Variants in TMCO4 observed in about 807,000 individuals in gnomAD.
The protein encoded by TMCO4 is transmembrane and coiled-coil domain-containing protein 4.
In TMCO4, 58 loss-of-function variants were observed where a neutral mutation model predicts 64.7. The ratio of observed to expected loss-of-function variants is 0.90; its 90% CI spans 0.73 to 1.12. The LOEUF (loss-of-function observed/expected upper bound fraction) is 1.12, where lower values mean the gene tolerates loss of function less well. Ranked by LOEUF, TMCO4 falls within the 50% of genes most tolerant of loss-of-function variation. The probability of loss-of-function intolerance (pLI) is 0.00; values close to 1 mark genes in which losing one functional copy is unlikely to be tolerated. For synonymous variants in TMCO4, 325 were observed against 346.1 expected (o/e 0.94, Z 0.68); for missense variants, 780 against 825.9 (o/e 0.94, Z 0.68).
At chr1:19,698,459 C>A (rs2095250954) in intron 14 of TMCO4, among the ~76,000 whole-genome samples, 1 of 152,226 alleles carries the variant, frequency 6.6e-6, no homozygotes. Flanking sequence ...CAGCTAGCTT[C>A]CAGAAGGTTC....
At chr1:19,766,678 A>G (rs2042748774) in intron 6 of TMCO4, among the ~76,000 whole-genome samples, 1 of 152,054 alleles carries the variant, frequency 6.6e-6, no homozygotes, top group African/African-American at 2.4e-5. Context: ...GACTACTGTT[A>G]CTCCCTTGGA....
intron 6 of TMCO4, among the ~76,000 whole-genome samples, chr1:19,766,977 C>A (rs1379141598): frequency 6.6e-6 from 1 of 152,208 alleles, no homozygotes; most frequent in Non-Finnish European, 1.5e-5. Flanking sequence ...CAGTGTGCCA[C>A]TGAAGCTGTT....
At chr1:19,702,775 GCAAA>G (rs1302545125) in intron 13 of TMCO4, among the ~76,000 whole-genome samples, 2 of 152,174 alleles carry the variant, frequency 1.3e-5, no homozygotes, top group African/African-American at 2.4e-5. Flanking sequence ...AAACAAACAA[GCAAA>G]CAAACACCAA....
rs75861602 is a variant in TMCO4 at position 19,792,298 on chromosome 1, G to A, written c.-100-5181C>T. 1.9e-3 allele frequency among the ~76,000 whole-genome samples: 296 copies of A among 152,280 alleles called. 4 individuals are homozygous for A. The highest frequency in any genetic ancestry group is 6.8e-3 in the Middle Eastern group (2 of 294). The stretch of plus-strand genomic sequence containing the variant: ...CAGGGCAAACCCATGCCTACAGCTC[G>A]GCTGCACAGCCCAGACCTGGGATGG... On this transcript the variant is annotated intron_variant, in intron 2 of 15. Transcript: ENST00000294543.
intron 3 of TMCO4, among the ~76,000 whole-genome samples, chr1:19,783,469 G>C (rs181771298): frequency 1.3e-3 from 197 of 152,272 alleles, no homozygotes; most frequent in Middle Eastern, 3.4e-3. Flanking sequence ...TATTACTTCT[G>C]TAGAGGAGTT....
chr1:19,721,219 T>G lies in TMCO4; in HGVS notation c.1264+16153A>C, dbSNP rs375233779. On this transcript the variant is annotated intron_variant, in intron 13 of 15. Coordinates refer to ENST00000294543, the MANE Select transcript of TMCO4 (RefSeq NM_181719.7). ...AATGGTCCCCAGAGAGGGGATCTCC[T>G]TCTGAGACTCAGACAGCCATCAGGG... 2.6e-4 allele frequency among the ~76,000 whole-genome samples: 40 copies of G among 152,298 alleles called. 1 individual carries two copies. The highest frequency in any genetic ancestry group is 9.6e-4 in the African/African-American group (40 of 41,560).
At position 19,789,353 on chromosome 1, in the gene TMCO4, G is replaced by C. The variant is rs144111276; in HGVS notation, c.-100-2236C>G. Among the ~76,000 whole-genome samples, 520 of 152,176 alleles carry C rather than the reference G, an allele frequency of 3.4e-3. 4 individuals are homozygous for C. Among genetic ancestry groups the C allele is most frequent in the Middle Eastern group, 0.034 (10 of 294 alleles). On this transcript the variant is annotated intron_variant, in intron 2 of 15. Coordinates refer to ENST00000294543, the MANE Select transcript of TMCO4 (RefSeq NM_181719.7). The stretch of plus-strand genomic sequence containing the variant: ...GGAGGCAGAGAATGCAGTGAGCCAA[G>C]TATGCTCTTGAATGCACTGTACTCC...
At chr1:19,765,347 A>G (rs1404110893) in intron 6 of TMCO4, among the ~76,000 whole-genome samples, 3 of 152,222 alleles carry the variant, frequency 2.0e-5, no homozygotes, top group African/African-American at 7.2e-5. Flanking sequence ...GGCCTAGAAG[A>G]GCAACTAGAA....
chr1:19,782,271 T>C (rs192962646), intron 3 of TMCO4, among the ~76,000 whole-genome samples: 203 of 152,284 alleles, frequency 1.3e-3, no homozygotes, highest in Admixed American at 3.5e-3. Context: ...GACAAAATGA[T>C]ACACAGAAAG....
At chr1:19,761,433 C>A (rs939997779) in intron 6 of TMCO4, among the ~76,000 whole-genome samples, 6 of 152,258 alleles carry the variant, frequency 3.9e-5, no homozygotes, top group African/African-American at 1.2e-4. Context: ...CAGGCCCAGA[C>A]TTTTGGATCC....
At chr1:19,698,082 G>A (rs1292594348) in intron 14 of TMCO4, among the ~76,000 whole-genome samples, 2 of 152,166 alleles carry the variant, frequency 1.3e-5, no homozygotes, top group Non-Finnish European at 2.9e-5. Flanking sequence ...CCGGGAACTC[G>A]CTGCCACTCT....
intron 15 of TMCO4, among the ~76,000 whole-genome samples, chr1:19,688,566 G>C (rs1438105040): frequency 6.6e-6 from 1 of 152,124 alleles, no homozygotes; most frequent in Admixed American, 6.5e-5. Flanking sequence ...GATAATACAT[G>C]TAACAGGCTT....
intron 15 of TMCO4, among the ~76,000 whole-genome samples, chr1:19,687,149 A>G (rs1180510976): frequency 1.3e-5 from 2 of 151,936 alleles, no homozygotes; most frequent in East Asian, 3.9e-4. Context: ...ACAGTATTTC[A>G]CCATGTTGGC....
intron 6 of TMCO4, among the ~76,000 whole-genome samples, chr1:19,757,157 G>GGA (rs1161144152): frequency 1.1e-5 from 1 of 94,300 alleles, no homozygotes; most frequent in East Asian, 5.6e-4. Context: ...CAGGCGTGGT[G>GGA]GCGGGGGGGG....
At chr1:19,742,735 G>A (rs899859041) in intron 10 of TMCO4, among the ~76,000 whole-genome samples, 5 of 152,186 alleles carry the variant, frequency 3.3e-5, no homozygotes, top group African/African-American at 1.2e-4. Flanking sequence ...ACATTTGTAA[G>A]GATGGAATAA....
At chr1:19,705,221 C>T (rs150757311) in intron 13 of TMCO4, among the ~76,000 whole-genome samples, 1 of 152,166 alleles carries the variant, frequency 6.6e-6, no homozygotes, top group Non-Finnish European at 1.5e-5. Flanking sequence ...GAGGCTGAGG[C>T]GGATGGATCA....
At chr1:19,723,245 G>A (rs1471143969) in intron 13 of TMCO4, among the ~76,000 whole-genome samples, 1 of 152,208 alleles carries the variant, frequency 6.6e-6, no homozygotes, top group African/African-American at 2.4e-5. Flanking sequence ...TCATGTTGCT[G>A]CTCAAAAAGT....
Position 19,683,006 on chromosome 1 carries a change from G to A in TMCO4, c.*34C>T. 6.5e-7 allele frequency: 1 copy of A among 1,530,964 alleles called. No individual in the cohort carries two copies. 94.8% of individuals were successfully genotyped at this position (1,530,964 alleles called of 1,614,324 possible). A position where few individuals can be genotyped will look rare whatever the true frequency, so the allele number is the denominator to read the frequency against. ...GGTATAAGAGAGAGCTGCATATGGA[G>A]ACTGGGGAAGACGGCTCAGGTCCCC... is the stretch of plus-strand genomic sequence containing the variant. On this transcript the variant is annotated 3_prime_UTR_variant, in exon 16 of 16. Coordinates refer to ENST00000294543, the MANE Select transcript of TMCO4 (RefSeq NM_181719.7).
At chr1:19,746,301 G>A (rs777683315) in intron 9 of TMCO4, among the ~76,000 whole-genome samples, 155 bp downstream of exon 9, 1 of 152,148 alleles carries the variant, frequency 6.6e-6, no homozygotes, top group Non-Finnish European at 1.5e-5. Flanking sequence ...TGACCCACGC[G>A]AGCTCTGGGA....
Sources: allele counts gnomAD v4.1 joint callset (sites outside exome capture counted in the v4.1 genomes callset), GRCh38; gene constraint gnomAD v4.1.1; transcripts MANE v1.5; gene names NCBI Gene and HGNC (gene_info 2026-07-23, HGNC 2026-07-21).